The following PLPPR1 variants were observed in gnomAD, a reference collection of about 807,000 sequenced individuals.
PLPPR1 encodes phospholipid phosphatase related 1.
PLPPR1 carries 10 observed loss-of-function variants against 33.1 expected under a neutral mutation model. The ratio of observed to expected loss-of-function variants is 0.30; its 90% CI spans 0.19 to 0.51. The LOEUF (loss-of-function observed/expected upper bound fraction) is 0.51. Ranked by LOEUF, PLPPR1 falls within the 20% of genes least tolerant of loss-of-function variation. The pLI is 0.97. For missense variants in PLPPR1, 304 were observed against 408.1 expected, an observed-to-expected ratio of 0.74 and a Z score of 2.20; for synonymous variants, 151 against 151.0, an observed-to-expected ratio of 1.00 and a Z score of 0.00.
Position 101,180,349 on chromosome 9 carries a change from A to G in PLPPR1, c.-45-5101A>G, listed in dbSNP as rs190038520. Among the ~76,000 whole-genome samples the G allele has an allele frequency of 2.4e-3, 371 of 151,458 alleles. 1 individual carries two copies. The highest frequency in any genetic ancestry group is 4.6e-3 in the Admixed American group (70 of 15,154). ...GGTCTATAGATTCAATGAAATCCCT[A>G]CCAAAATTCCAATGTAATTTTTCAC... On this transcript the variant is annotated intron_variant, in intron 1 of 7. Transcript: ENST00000374874.
At chr9:101,178,323 G>A (rs777704050) in intron 1 of PLPPR1, among the ~76,000 whole-genome samples, 2 of 152,198 alleles carry the variant, frequency 1.3e-5, no homozygotes, top group Non-Finnish European at 2.9e-5. Context: ...CAGCAGCAGA[G>A]ACCAACACTG....
intron 1 of PLPPR1, among the ~76,000 whole-genome samples, chr9:101,079,020 A>G (rs1217521123): frequency 6.6e-6 from 1 of 152,198 alleles, no homozygotes; most frequent in African/African-American, 2.4e-5. Context: ...TTAAAGTTAT[A>G]TGTGTGGATG....
chr9:101,059,014 G>T (rs897145050), intron 1 of PLPPR1, among the ~76,000 whole-genome samples: 1 of 152,092 alleles, frequency 6.6e-6, no homozygotes, highest in Non-Finnish European at 1.5e-5. Flanking sequence ...TATTCTGGTG[G>T]GGGGAGAACT....
intron 2 of PLPPR1, among the ~76,000 whole-genome samples, chr9:101,256,922 C>CAAAT (rs1827813913): frequency 1.3e-5 from 2 of 152,182 alleles, no homozygotes; most frequent in East Asian, 3.9e-4. Flanking sequence ...ACCCCCAAGA[C>CAAAT]AAATAAACAG....
At chr9:101,259,355 C>T (rs909968898) in intron 2 of PLPPR1, among the ~76,000 whole-genome samples, 8 of 152,120 alleles carry the variant, frequency 5.3e-5, no homozygotes, top group African/African-American at 1.9e-4. Flanking sequence ...ATGGGCAGGA[C>T]AAAGGCCAGT....
intron 2 of PLPPR1, among the ~76,000 whole-genome samples, chr9:101,193,309 C>T (rs1323911728): frequency 6.6e-6 from 1 of 152,118 alleles, no homozygotes; most frequent in African/African-American, 2.4e-5. Flanking sequence ...TCCCCTTTTC[C>T]TATATTCCTT....
chr9:101,242,922 A>C (rs767150048), intron 2 of PLPPR1, among the ~76,000 whole-genome samples: 1 of 152,084 alleles, frequency 6.6e-6, no homozygotes, highest in Non-Finnish European at 1.5e-5. Flanking sequence ...TAACAGGAAA[A>C]TAAGGCTCTA....
At chr9:101,275,604 A>G (rs56065216) in intron 3 of PLPPR1, among the ~76,000 whole-genome samples, 18,507 of 152,194 alleles carry the variant, frequency 0.12, 1,288 homozygotes, top group African/African-American at 0.19. Flanking sequence ...CTACTGCCTC[A>G]GGCCTTCTGA....
At chr9:101,136,547 A>G (rs1256384175) in intron 1 of PLPPR1, among the ~76,000 whole-genome samples, 2 of 152,124 alleles carry the variant, frequency 1.3e-5, no homozygotes, top group Admixed American at 1.3e-4. Flanking sequence ...ACTTGTTACT[A>G]TTGAATCTTT....
At chr9:101,051,822 T>A (rs1291894678) in intron 1 of PLPPR1, among the ~76,000 whole-genome samples, 1 of 152,226 alleles carries the variant, frequency 6.6e-6, no homozygotes, top group East Asian at 1.9e-4. Flanking sequence ...GCATTGGTGA[T>A]AACCTCTATT....
intron 1 of PLPPR1, among the ~76,000 whole-genome samples, chr9:101,084,027 G>T (rs1209288686): frequency 2.6e-5 from 4 of 152,148 alleles, no homozygotes; most frequent in Admixed American, 2.6e-4. Flanking sequence ...GGGTTTAGAG[G>T]AGTTCTCTAC....
chr9:101,219,056 C>G (rs779159724), intron 2 of PLPPR1, among the ~76,000 whole-genome samples: 2 of 152,106 alleles, frequency 1.3e-5, no homozygotes, highest in Non-Finnish European at 2.9e-5. Flanking sequence ...GTTTTTAAAC[C>G]GGCCATGTCA....
At chr9:101,223,606 T>G (rs1011085726) in intron 2 of PLPPR1, among the ~76,000 whole-genome samples, 4 of 152,144 alleles carry the variant, frequency 2.6e-5, no homozygotes, top group African/African-American at 9.7e-5. Context: ...GTTTCCCCCA[T>G]GCTGTTCTCA....
At chr9:101,279,172 C>A (rs1045424609) in intron 3 of PLPPR1, among the ~76,000 whole-genome samples, 1 of 151,938 alleles carries the variant, frequency 6.6e-6, no homozygotes, top group Non-Finnish European at 1.5e-5. Context: ...CAAGAAAATA[C>A]AGAAAAACAA....
At chr9:101,136,490 T>A (rs1435271622) in intron 1 of PLPPR1, among the ~76,000 whole-genome samples, 1 of 152,240 alleles carries the variant, frequency 6.6e-6, no homozygotes, top group Non-Finnish European at 1.5e-5. Flanking sequence ...CCTCTGACTT[T>A]AAGCTGCTTT....
intron 1 of PLPPR1, among the ~76,000 whole-genome samples, chr9:101,102,435 G>C (rs1588028775): frequency 1.3e-5 from 1 of 75,852 alleles, no homozygotes; most frequent in African/African-American, 6.3e-5. Flanking sequence ...TGAGAATGAT[G>C]GTTTCCAATT....
chr9:101,288,812 G>C (rs750247575), intron 4 of PLPPR1, among the ~76,000 whole-genome samples: 1 of 152,130 alleles, frequency 6.6e-6, no homozygotes, highest in Non-Finnish European at 1.5e-5. Context: ...AGAACCACTG[G>C]TTTAGGTTAT....
At chr9:101,224,560 C>G (rs937745770) in intron 2 of PLPPR1, among the ~76,000 whole-genome samples, 1 of 152,020 alleles carries the variant, frequency 6.6e-6, no homozygotes, top group African/African-American at 2.4e-5. Flanking sequence ...GCCCTGAGGC[C>G]TAGGGTTGGG....
At position 101,145,857 on chromosome 9, in the gene PLPPR1, A is replaced by C. The variant is rs868325370; in HGVS notation, c.-45-39593A>C. 6.6e-5 allele frequency among the ~76,000 whole-genome samples: 10 copies of C among 151,748 alleles called. 1 individual carries two copies. In the South Asian group the frequency reaches 8.3e-4, roughly 13 times the overall value. On this transcript the variant is annotated intron_variant, in intron 1 of 7. Transcript: ENST00000374874. ...CCTATTTCTACCAAAAAAAAAAAAAAAAAATGAAAATAGCCAAATATGCTG... is the reference window on the plus strand; with the variant it reads ...CCTATTTCTACCAAAAAAAAAAAAACAAAATGAAAATAGCCAAATATGCTG...
Sources: gnomAD v4.1 joint callset for allele counts (sites outside exome capture counted in the v4.1 genomes callset) on GRCh38, gnomAD v4.1.1 for gene constraint, MANE v1.5 for transcripts, NCBI Gene and HGNC (gene_info 2026-07-23, HGNC 2026-07-21) for gene names.